Variants in CYP39A1 observed in about 807,000 individuals in gnomAD.
CYP39A1 encodes cytochrome P450 family 39 subfamily A member 1.
In CYP39A1, 49 loss-of-function variants were observed where a neutral mutation model predicts 58.1. The observed-to-expected ratio is 0.84, with a 90% CI of 0.67 to 1.07. The LOEUF (loss-of-function observed/expected upper bound fraction) is 1.07, where lower values mean the gene tolerates loss of function less well. Among genes scored for constraint, CYP39A1 ranks in the 50% least tolerant of loss-of-function variants. The pLI, the probability that CYP39A1 is intolerant of heterozygous loss-of-function variation, is 0.00. For synonymous variants in CYP39A1, 209 were observed against 187.6 expected (o/e 1.11, Z -0.93); for missense variants, 531 against 539.4 (o/e 0.98, Z 0.16).
At chr6:46,573,415 G>A (rs1464570294) in intron 10 of CYP39A1, among the ~76,000 whole-genome samples, 1 of 152,140 alleles carries the variant, frequency 6.6e-6, no homozygotes, top group Non-Finnish European at 1.5e-5. Flanking sequence ...GGGGTCCTCA[G>A]TGGCCAAGGT....
At chr6:46,596,884 C>T (rs886890238) in intron 7 of CYP39A1, among the ~76,000 whole-genome samples, 5 of 152,100 alleles carry the variant, frequency 3.3e-5, no homozygotes, top group African/African-American at 7.2e-5. Context: ...GAAACAACTG[C>T]GCTTTCAATT....
intron 10 of CYP39A1, chr6:46,586,380 A>G (rs1772474493): frequency 1.0e-6 from 1 of 984,120 alleles, no homozygotes; most frequent in Non-Finnish European, 1.2e-6. Context: ...GAAATGTGAC[A>G]TATTTAATGT....
intron 2 of CYP39A1, among the ~76,000 whole-genome samples, chr6:46,641,468 A>T (rs1362738125): frequency 1.3e-5 from 2 of 152,198 alleles, no homozygotes; most frequent in Non-Finnish European, 2.9e-5. Context: ...AAAAAAGGGA[A>T]ACAGAGAGAA....
At chr6:46,586,389 G>A (rs1296897259) in intron 10 of CYP39A1, 1 of 983,256 alleles carries the variant, frequency 1.0e-6, no homozygotes. Context: ...CATATTTAAT[G>A]TAGATTGTAA....
chr6:46,587,581 C>T (rs908881360), intron 9 of CYP39A1, among the ~76,000 whole-genome samples: 1 of 152,100 alleles, frequency 6.6e-6, no homozygotes, highest in Non-Finnish European at 1.5e-5. Flanking sequence ...ACAGTTTTAC[C>T]TAAAGGCAGA....
chr6:46,571,731 GTAAT>G (rs1771594451), intron 10 of CYP39A1, among the ~76,000 whole-genome samples: 3 of 151,698 alleles, frequency 2.0e-5, no homozygotes. Context: ...TACATGCAAA[GTAAT>G]TAATTATAGG....
chr6:46,576,282 C>T (rs1771840415), intron 10 of CYP39A1, among the ~76,000 whole-genome samples: 1 of 152,090 alleles, frequency 6.6e-6, no homozygotes, highest in Non-Finnish European at 1.5e-5. Flanking sequence ...CGAAGGATTC[C>T]AATTCAATAT....
rs564060157 is a variant in CYP39A1, at chr6:46,632,979, T to C, written c.733-1909A>G. Among the ~76,000 whole-genome samples the C allele has an allele frequency of 4.6e-5, 7 of 151,972 alleles. No individual in the cohort carries two copies. The East Asian group carries it at 1.3e-3, about 29-fold the overall frequency. On this transcript the variant is annotated intron_variant, in intron 5 of 11. Transcript: ENST00000275016. Reference sequence around the variant, plus strand: ...AAATACATTATAAAATAGAGACTGATGCTATTATTTACTAAAGCATGTAAT... The same window carrying C: ...AAATACATTATAAAATAGAGACTGACGCTATTATTTACTAAAGCATGTAAT...
chr6:46,650,139 CAT>C (rs1554169376), intron 1 of CYP39A1, among the ~76,000 whole-genome samples: 189 of 149,784 alleles, frequency 1.3e-3, no homozygotes, highest in African/African-American at 4.1e-3. Context: ...CACACACACA[CAT>C]ACACACATAC....
rs768025149 is a variant in CYP39A1, at chr6:46,652,494, G to A, written c.89C>T (p.Pro30Leu). 1.9e-6 allele frequency: 3 copies of A among 1,613,116 alleles called. No individual in the cohort carries two copies. The highest frequency in any genetic ancestry group is 8.5e-7 in the Non-Finnish European group (1 of 1,179,308). ...CCAAGGAATCCAGCCCTTGATGCAC[G>A]GGGGTCTACGCAAATTCTTCCGCTG... Reference protein sequence around the residue: ...LLQRKNLRRPPCIKGWIPWIG... With the variant: ...LLQRKNLRRPLCIKGWIPWIG... Residue 30 changes from proline (P) to leucine (L), a missense_variant, in exon 1 of 12, where the codon CCG (proline) becomes CTG (leucine). Pro to Leu is a moderately conservative substitution (Grantham distance 98). Transcript: ENST00000275016.
In CYP39A1 at chr6:46,586,295, A is replaced by G. The variant is rs920427947; in HGVS notation, c.1250+782T>C. ...TTTTTTAAATATAAAAATTTAATGG[A>G]TTTCTACATTTATTGAGTGAGATTT... On this transcript the variant is annotated intron_variant, in intron 10 of 11. Coordinates refer to ENST00000275016, the MANE Select transcript of CYP39A1 (RefSeq NM_016593.5). The G allele has an allele frequency of 1.0e-5, 10 of 982,066 alleles. No individual in the cohort carries two copies. The African/African-American group carries it at 1.4e-4, about 14-fold the overall frequency. 60.8% of individuals were successfully genotyped at this position (982,066 alleles called of 1,614,324 possible).
intron 1 of CYP39A1, among the ~76,000 whole-genome samples, chr6:46,643,577 G>T (rs1309863787): frequency 6.6e-6 from 1 of 152,198 alleles, no homozygotes; most frequent in African/African-American, 2.4e-5. Flanking sequence ...TTGTTCAAAT[G>T]AGAATTCTTA....
At chr6:46,566,836 A>T (rs1349487401) in intron 10 of CYP39A1, among the ~76,000 whole-genome samples, 1 of 104,056 alleles carries the variant, frequency 9.6e-6, no homozygotes, top group African/African-American at 8.6e-5. Flanking sequence ...TGAGATGATT[A>T]TATATATATA....
At chr6:46,644,407 C>A (rs543933481) in intron 1 of CYP39A1, among the ~76,000 whole-genome samples, 32 of 152,168 alleles carry the variant, frequency 2.1e-4, no homozygotes, top group African/African-American at 5.8e-4. Flanking sequence ...AATCCTACTG[C>A]TTTGGGGGTC....
intron 1 of CYP39A1, 148 bp from the exon 2 acceptor site, chr6:46,642,446 T>G (rs1443354037): frequency 1.4e-5 from 10 of 730,806 alleles, no homozygotes; most frequent in Non-Finnish European, 2.1e-5. Context: ...TTTTGATTGT[T>G]TCAGCCAGAT....
chr6:46,615,079 C>T (rs966391709), intron 7 of CYP39A1, among the ~76,000 whole-genome samples: 2 of 151,998 alleles, frequency 1.3e-5, no homozygotes, highest in South Asian at 2.1e-4. Context: ...ATGGTAATAT[C>T]CTAGTTTCAA....
intron 11 of CYP39A1, among the ~76,000 whole-genome samples, chr6:46,552,609 C>T (rs1770461748): frequency 6.6e-6 from 1 of 152,118 alleles, no homozygotes; most frequent in African/African-American, 2.4e-5. Flanking sequence ...TCTGAGATTG[C>T]AATCCTTAAT....
At chr6:46,570,035 T>C (rs1771497442) in intron 10 of CYP39A1, among the ~76,000 whole-genome samples, 1 of 152,118 alleles carries the variant, frequency 6.6e-6, no homozygotes, top group South Asian at 2.1e-4. Context: ...TCAATCTCCT[T>C]ACTTGTTGGT....
Position 46,638,092 on chromosome 6 carries a change from C to T in CYP39A1, c.489-114G>A. 16 of 1,053,786 alleles carry T rather than the reference C, an allele frequency of 1.5e-5. 1 individual carries two copies. The South Asian group carries it at 2.8e-4, about 19-fold the overall frequency. 65.3% of individuals were successfully genotyped at this position (1,053,786 alleles called of 1,614,324 possible). ...TATATGGGGAGCAGATAATAGGTGA[C>T]AGATTCTCTTGGGAAAAAGTCACTC... On this transcript the variant is annotated intron_variant, in intron 3 of 11. Coordinates refer to ENST00000275016, the MANE Select transcript of CYP39A1 (RefSeq NM_016593.5).
Sources: gnomAD v4.1 joint callset for allele counts (sites outside exome capture counted in the v4.1 genomes callset) on GRCh38, gnomAD v4.1.1 for gene constraint, MANE v1.5 for transcripts, NCBI Gene and HGNC (gene_info 2026-07-23, HGNC 2026-07-21) for gene names.